Variants in IKZF3 observed in about 807,000 individuals in gnomAD.
IKZF3 encodes zinc finger protein Aiolos.
A neutral mutation model predicts 49.0 loss-of-function variants in IKZF3; 10 were observed. The ratio of observed to expected loss-of-function variants is 0.20; its 90% CI spans 0.13 to 0.35. IKZF3 has a LOEUF of 0.35. IKZF3 is among the 10% of genes least tolerant of loss of function. The probability of loss-of-function intolerance (pLI) is 1.00; values close to 1 mark genes in which losing one functional copy is unlikely to be tolerated. For synonymous variants in IKZF3, 209 were observed against 228.2 expected, an observed-to-expected ratio of 0.92 and a Z score of 0.76; for missense variants, 498 against 664.8, an observed-to-expected ratio of 0.75 and a Z score of 2.76.
intron 3 of IKZF3, among the ~76,000 whole-genome samples, chr17:39,797,991 C>T (rs1213243295): frequency 1.3e-5 from 2 of 152,240 alleles, no homozygotes; most frequent in East Asian, 3.9e-4. Context: ...TAGGTATCTT[C>T]CCAGTTACTC....
intron 6 of IKZF3, among the ~76,000 whole-genome samples, chr17:39,780,144 C>T (rs928256367): frequency 8.6e-5 from 13 of 150,934 alleles, no homozygotes; most frequent in African/African-American, 2.2e-4. Context: ...TTTGAGGTTA[C>T]GGTGAACTAT....
Position 39,792,669 on chromosome 17 carries a change from T to A in IKZF3, c.424+4A>T, listed in dbSNP as rs1428248604. 6.2e-7 allele frequency: 1 copy of A among 1,612,178 alleles called. No individual in the cohort carries two copies. Among genetic ancestry groups the A allele is most frequent in the Non-Finnish European group, 8.5e-7 (1 of 1,178,954 alleles). ...CAGAAGAATGAAAAAAGCAGACTAT[T>A]TACCAGTATGGCTTCGCTTATGAAC... On this transcript the variant is annotated splice_donor_region_variant and intron_variant, in intron 4 of 7. Coordinates refer to ENST00000346872, the MANE Select transcript of IKZF3 (RefSeq NM_012481.5).
intron 3 of IKZF3, among the ~76,000 whole-genome samples, chr17:39,807,684 A>C (rs550031360): frequency 6.6e-6 from 1 of 151,802 alleles, no homozygotes; most frequent in African/African-American, 2.4e-5. Context: ...CCATCTCAAA[A>C]ATTTTAAGAA....
At chr17:39,789,916 G>A (rs4795394) in intron 5 of IKZF3, among the ~76,000 whole-genome samples, 136,856 of 144,120 alleles carry the variant, frequency 0.95, 64,812 homozygotes, top group East Asian at 1. Flanking sequence ...AAAAAAAAAA[G>A]AGAGAAATAA....
At chr17:39,838,637 G>A (rs2062374167) in intron 1 of IKZF3, among the ~76,000 whole-genome samples, 1 of 151,890 alleles carries the variant, frequency 6.6e-6, no homozygotes, top group Non-Finnish European at 1.5e-5. Flanking sequence ...GTTTATACAA[G>A]TTCTTGTCTG....
chr17:39,841,262 A>T (rs2062458585), intron 1 of IKZF3, among the ~76,000 whole-genome samples: 1 of 151,942 alleles, frequency 6.6e-6, no homozygotes, highest in East Asian at 1.9e-4. Flanking sequence ...ACATGCAGGG[A>T]GGAGGACTGC....
chr17:39,766,307 A>C lies in IKZF3; in HGVS notation c.1013T>G (p.Ile338Ser), dbSNP rs771961625. 1.2e-6 allele frequency: 2 copies of C among 1,614,200 alleles called. No individual in the cohort carries two copies. Among genetic ancestry groups the C allele is most frequent in the East Asian group, 2.2e-5 (1 of 44,882 alleles). The change falls in exon 8 of 8, where the codon ATC (isoleucine) becomes AGC (serine). Residue 338 changes from isoleucine to serine, a missense_variant. By Grantham distance (142) the Ile-to-Ser change is moderately radical (BLOSUM62 -2). This residue lies in a region of IKZF3 where 317 missense variants were observed against 397.3 expected (regional missense o/e 0.80). Coordinates refer to ENST00000346872, the MANE Select transcript of IKZF3 (RefSeq NM_012481.5). ...GAGGGCTATGGGATACATGCTGCTG[A>C]TAACTGGAACCATCTCCGAGGTGGG... ...PAPTSEMVPV[I>S]SSMYPIALTR...
At chr17:39,785,515 A>G (rs927066515) in intron 6 of IKZF3, among the ~76,000 whole-genome samples, 4 of 152,144 alleles carry the variant, frequency 2.6e-5, no homozygotes, top group Non-Finnish European at 5.9e-5. Context: ...TAGCTAAAAT[A>G]TTACTTTTGA....
chr17:39,793,490 C>G (rs1287647797), intron 3 of IKZF3, among the ~76,000 whole-genome samples: 1 of 152,220 alleles, frequency 6.6e-6, no homozygotes, highest in Non-Finnish European at 1.5e-5. Context: ...CATCTTATCT[C>G]TGTCTCTCTT....
intron 3 of IKZF3, among the ~76,000 whole-genome samples, chr17:39,817,341 A>C (rs2061700083): frequency 6.6e-6 from 1 of 152,250 alleles, no homozygotes; most frequent in African/African-American, 2.4e-5. Flanking sequence ...CATTAAACTT[A>C]AACAGAATAG....
chr17:39,818,961 C>CTA (rs2061740366), intron 3 of IKZF3, among the ~76,000 whole-genome samples: 4 of 151,490 alleles, frequency 2.6e-5, no homozygotes, highest in South Asian at 2.1e-4. Flanking sequence ...TTGATCATAT[C>CTA]TTCTCTATCA....
chr17:39,812,414 C>T (rs1301168080), intron 3 of IKZF3, among the ~76,000 whole-genome samples: 2 of 152,136 alleles, frequency 1.3e-5, no homozygotes, highest in Admixed American at 1.3e-4. Context: ...AATTGCTTAA[C>T]AACCAGCTCA....
At chr17:39,775,410 GCAAA>G in intron 7 of IKZF3, among the ~76,000 whole-genome samples, 1 of 152,290 alleles carries the variant, frequency 6.6e-6, no homozygotes, top group East Asian at 1.9e-4. Flanking sequence ...TGCAATTGTA[GCAAA>G]CAAACGAAAT....
intron 7 of IKZF3, among the ~76,000 whole-genome samples, chr17:39,772,528 A>C (rs1234219378): frequency 6.6e-6 from 1 of 152,236 alleles, no homozygotes; most frequent in African/African-American, 2.4e-5. Context: ...CTCTGATCTC[A>C]ACCTAAGTGA....
chr17:39,848,633 C>T (rs2062704113), intron 1 of IKZF3, among the ~76,000 whole-genome samples: 1 of 152,120 alleles, frequency 6.6e-6, no homozygotes, highest in African/African-American at 2.4e-5. Flanking sequence ...AATCAAACTT[C>T]TAGAGGAAAA....
intron 2 of IKZF3, among the ~76,000 whole-genome samples, chr17:39,830,989 T>C (rs1044542917): frequency 2.0e-5 from 3 of 152,248 alleles, no homozygotes; most frequent in Non-Finnish European, 4.4e-5. Flanking sequence ...CTGTGAACTC[T>C]AAGATACCAT....
At chr17:39,850,843 A>AC (rs1213057893) in intron 1 of IKZF3, among the ~76,000 whole-genome samples, 8 of 127,404 alleles carry the variant, frequency 6.3e-5, no homozygotes, top group South Asian at 4.5e-4. Flanking sequence ...TAGTATATAT[A>AC]ATATATAATA....
chr17:39,817,880 C>T (rs976924293), intron 3 of IKZF3, among the ~76,000 whole-genome samples: 3 of 152,144 alleles, frequency 2.0e-5, no homozygotes, highest in Non-Finnish European at 4.4e-5. Context: ...CCAAGACCTC[C>T]AGCGGATGTC....
intron 1 of IKZF3, among the ~76,000 whole-genome samples, chr17:39,858,452 G>A (rs9915509): frequency 0.055 from 8,340 of 152,190 alleles, 334 homozygotes; most frequent in African/African-American, 0.11. Context: ...TTTAAGTACT[G>A]ACAATAAGTA....
Sources: allele counts gnomAD v4.1 joint callset (sites outside exome capture counted in the v4.1 genomes callset), GRCh38; gene constraint gnomAD v4.1.1; regional missense constraint gnomAD v4.1.1; transcripts MANE v1.5; gene names NCBI Gene and HGNC (gene_info 2026-07-23, HGNC 2026-07-21).